PRKAR1B: variants seen among roughly 807,000 people sequenced by gnomAD.
PRKAR1B encodes cAMP-dependent protein kinase type I-beta regulatory subunit.
A neutral mutation model predicts 46.5 loss-of-function variants in PRKAR1B; 22 were observed. The observed-to-expected ratio is 0.47, with a 90% CI of 0.34 to 0.68. The LOEUF is 0.68. Among genes scored for constraint, PRKAR1B ranks in the 30% least tolerant of loss-of-function variants. The pLI, the probability that PRKAR1B is intolerant of heterozygous loss-of-function variation, is 0.01. For synonymous variants in PRKAR1B, 259 were observed against 217.7 expected (o/e 1.19, Z -1.67); for missense variants, 445 against 535.6 (o/e 0.83, Z 1.67).
intron 4 of PRKAR1B, among the ~76,000 whole-genome samples, chr7:649,193 G>A (rs999941112): frequency 6.6e-6 from 1 of 152,152 alleles, no homozygotes; most frequent in African/African-American, 2.4e-5. Context: ...AAATTTAAAA[G>A]CTTTTAACAT....
At chr7:675,537 A>G (rs1786533298) in intron 4 of PRKAR1B, among the ~76,000 whole-genome samples, 1 of 152,264 alleles carries the variant, frequency 6.6e-6, no homozygotes, top group South Asian at 2.1e-4. Flanking sequence ...GTTTTAAAAG[A>G]GAGAATTTTC....
chr7:660,100 G>A (rs1785426591), intron 4 of PRKAR1B, among the ~76,000 whole-genome samples: 1 of 151,912 alleles, frequency 6.6e-6, no homozygotes, highest in African/African-American at 2.4e-5. Flanking sequence ...CGGAGTCAGT[G>A]GGGAAGCGAC....
intron 6 of PRKAR1B, among the ~76,000 whole-genome samples, chr7:598,756 G>T (rs1370227427): frequency 6.6e-6 from 1 of 152,250 alleles, no homozygotes; most frequent in African/African-American, 2.4e-5. Context: ...GGTCGGGAGG[G>T]GTTTGCTTGA....
chr7:693,330 A>G (rs527488616), intron 2 of PRKAR1B, among the ~76,000 whole-genome samples: 2 of 151,374 alleles, frequency 1.3e-5, no homozygotes. Context: ...ACGTCGACAC[A>G]TTCACCGTGC....
intron 7 of PRKAR1B, among the ~76,000 whole-genome samples, chr7:589,440 C>T (rs1365132232): frequency 6.6e-6 from 1 of 151,916 alleles, no homozygotes; most frequent in African/African-American, 2.4e-5. Flanking sequence ...GCCAAGATTC[C>T]TCCTCCTCCC....
intron 4 of PRKAR1B, among the ~76,000 whole-genome samples, chr7:665,871 G>A (rs148168414): frequency 1.6e-4 from 24 of 152,172 alleles, no homozygotes; most frequent in African/African-American, 5.3e-4. Flanking sequence ...GCAGAGATAC[G>A]CGGGTGGGAG....
chr7:696,613 T>C (rs1391512452), intron 2 of PRKAR1B: 1 of 152,162 alleles, frequency 6.6e-6, no homozygotes, highest in East Asian at 1.9e-4. Flanking sequence ...CTAAAAGTAG[T>C]TTACTTCATA....
chr7:610,516 G>A (rs1210479239), intron 4 of PRKAR1B, among the ~76,000 whole-genome samples: 4 of 152,276 alleles, frequency 2.6e-5, no homozygotes, highest in Admixed American at 6.5e-5. Context: ...GCCCAGCCTC[G>A]TGTACCAAAA....
At chr7:691,672 C>A in intron 2 of PRKAR1B, 3 of 1,292,376 alleles carry the variant, frequency 2.3e-6, no homozygotes, top group Non-Finnish European at 3.0e-6. Context: ...TGTTGGAAAC[C>A]CAGTGCTGTG....
chr7:677,977 C>T (rs1161239667), intron 3 of PRKAR1B, among the ~76,000 whole-genome samples: 1 of 152,002 alleles, frequency 6.6e-6, no homozygotes, highest in Non-Finnish European at 1.5e-5. Flanking sequence ...TGTATCTAAA[C>T]ATATCTACAC....
At chr7:629,101 C>T (rs983149046) in intron 4 of PRKAR1B, among the ~76,000 whole-genome samples, 2 of 152,256 alleles carry the variant, frequency 1.3e-5, no homozygotes, top group African/African-American at 4.8e-5. Context: ...TGGAGACATT[C>T]CCAAGCCTGG....
At chr7:606,909 T>C (rs1300701014) in intron 5 of PRKAR1B, among the ~76,000 whole-genome samples, 5 of 152,168 alleles carry the variant, frequency 3.3e-5, no homozygotes, top group Admixed American at 6.5e-5. Flanking sequence ...TGTACATATA[T>C]GTATACATGT....
chr7:592,278 C>T (rs571019308), intron 7 of PRKAR1B, among the ~76,000 whole-genome samples: 2 of 152,344 alleles, frequency 1.3e-5, no homozygotes, highest in African/African-American at 2.4e-5. Context: ...CACTAAGCCC[C>T]GGTCGAGGCT....
In PRKAR1B at chr7:685,264, ATATACG is replaced by A. The variant is rs1432590691; in HGVS notation, c.178-4544_178-4539del. Among the ~76,000 whole-genome samples, 26 of 29,710 alleles carry A rather than the reference ATATACG, an allele frequency of 8.8e-4. 2 individuals are homozygous for A. The highest frequency in any genetic ancestry group is 3.7e-3 in the African/African-American group (24 of 6,492). 19.5% of individuals were successfully genotyped at this position (29,710 alleles called of 152,430 possible). A position where few individuals can be genotyped will look rare whatever the true frequency, so the allele number is the denominator to read the frequency against. On this transcript the variant is annotated intron_variant, in intron 2 of 10. Coordinates refer to ENST00000537384, the MANE Select transcript of PRKAR1B (RefSeq NM_001164760.2). ...CATATAACACGTTTTATATATACAT[ATATACG>A]TATATATACGTATATATATGTATAC... is the stretch of plus-strand genomic sequence containing the variant.
At chr7:712,135 C>T (rs968190704) in intron 1 of PRKAR1B, among the ~76,000 whole-genome samples, 12 of 151,578 alleles carry the variant, frequency 7.9e-5, no homozygotes, top group African/African-American at 2.7e-4. Context: ...AGGCCGGCAC[C>T]GCACCGCGGG....
intron 4 of PRKAR1B, 85 bp downstream of exon 4, chr7:677,144 G>A (rs1269015728): frequency 1.5e-6 from 2 of 1,297,124 alleles, no homozygotes; most frequent in African/African-American, 1.5e-5. Context: ...AGGCAGTGAT[G>A]CCCAGGCAAG....
chr7:573,144 C>T (rs1349908145), intron 9 of PRKAR1B, among the ~76,000 whole-genome samples: 7 of 152,168 alleles, frequency 4.6e-5, no homozygotes, highest in East Asian at 3.9e-4. Context: ...CCCTGCACCC[C>T]GGGGTCACAC....
chr7:570,266 G>A (rs1779421283), intron 9 of PRKAR1B, among the ~76,000 whole-genome samples: 2 of 152,222 alleles, frequency 1.3e-5, no homozygotes, highest in East Asian at 1.9e-4. Context: ...GAGGCCAAGG[G>A]TGGGCCAGGG....
chr7:662,025 A>G (rs190046717), intron 4 of PRKAR1B, among the ~76,000 whole-genome samples: 82 of 14,562 alleles, frequency 5.6e-3, no homozygotes, highest in African/African-American at 0.014. Flanking sequence ...ACCCCAACGG[A>G]TCCAAATACC....
Sources: allele counts gnomAD v4.1 joint callset (sites outside exome capture counted in the v4.1 genomes callset), GRCh38; gene constraint gnomAD v4.1.1; transcripts MANE v1.5; gene names NCBI Gene and HGNC (gene_info 2026-07-23, HGNC 2026-07-21).